Variants in RTP5 observed in about 807,000 individuals in gnomAD.
The protein encoded by RTP5 is receptor transporter protein 5 (putative), also known as receptor-transporting protein 5.
Under a neutral mutation model 23.5 loss-of-function variants are expected in RTP5, and 30 were observed. That is an observed-to-expected ratio of 1.27 (90% CI 0.95 to 1.73). RTP5 has a LOEUF of 1.73. RTP5 is among the 40% of genes most tolerant of loss of function. The pLI is 0.00. For synonymous variants in RTP5, 354 were observed against 342.1 expected, an observed-to-expected ratio of 1.03 and a Z score of -0.38; for missense variants, 807 against 784.2, an observed-to-expected ratio of 1.03 and a Z score of -0.35.
intron 1 of RTP5, among the ~76,000 whole-genome samples, chr2:241,871,443 G>A (rs866475150): frequency 2.6e-5 from 4 of 152,238 alleles, no homozygotes; most frequent in Admixed American, 1.3e-4. Flanking sequence ...AGGGGGCTGC[G>A]GGCTAGTGCG....
Position 241,871,723 on chromosome 2 carries a change from C to A in RTP5, c.168C>A (p.Cys56Ter). ...YLLVGLSRLQ[C>*]GHCPGTWDSA... ...TCTTTCCCCGCCGCAGGCTCCAGTG[C>A]GGTCACTGTCCGGGGACCTGGGACT... Residue 56 changes from cysteine (C) to a stop codon, truncating the protein, a stop_gained, in exon 2 of 2, where the codon TGC becomes TGA. Coordinates refer to ENST00000343216, the MANE Select transcript of RTP5 (RefSeq NM_173821.3). LOFTEE classifies it low-confidence loss of function (END_TRUNC). 6.2e-7 allele frequency: 1 copy of A among 1,604,608 alleles called. No homozygotes were observed. The highest frequency in any genetic ancestry group is 1.3e-5 in the African/African-American group (1 of 74,826).
In RTP5 at chr2:241,872,183, G is replaced by T; in HGVS notation, c.628G>T (p.Gly210Cys). 6.2e-7 allele frequency: 1 copy of T among 1,612,412 alleles called. No individual in the cohort carries two copies. The highest frequency in any genetic ancestry group is 8.5e-7 in the Non-Finnish European group (1 of 1,179,576). The change falls in exon 2 of 2, where the codon GGT becomes TGT. Residue 210 changes from glycine to cysteine, a missense_variant. Gly to Cys is a radical substitution (Grantham distance 159). Coordinates refer to ENST00000343216, the MANE Select transcript of RTP5 (RefSeq NM_173821.3). ...VVIAIPFSLV[G>C]TSNDQVPIAE... ...CATCGCCATCCCCTTCTCCCTTGTG[G>T]GTACCAGCAATGACCAGGTGCCCAT...
At chr2:241,870,770 G>A (rs1289527927) in intron 1 of RTP5, among the ~76,000 whole-genome samples, 1 of 152,244 alleles carries the variant, frequency 6.6e-6, no homozygotes, top group Non-Finnish European at 1.5e-5. Context: ...GGAGAGAACT[G>A]AGGACGGCTG....
Position 241,872,354 on chromosome 2 carries a change from G to T in RTP5, c.799G>T (p.Asp267Tyr), listed in dbSNP as rs568255285. 37 of 1,611,430 alleles carry T rather than the reference G, an allele frequency of 2.3e-5. No individual in the cohort carries two copies. Among genetic ancestry groups the T allele is most frequent in the Non-Finnish European group, 2.9e-5 (34 of 1,179,450 alleles). ...GGKGFPVAIG[D>Y]PLFHGPGLLG... is the part of the protein sequence containing the mutation. Reference sequence around the variant, plus strand: ...CAAAGGCTTCCCGGTGGCCATTGGAGACCCCCTCTTCCACGGCCCCGGCCT... The same window carrying T: ...CAAAGGCTTCCCGGTGGCCATTGGATACCCCCTCTTCCACGGCCCCGGCCT... The change falls in exon 2 of 2, where the codon GAC (aspartate) becomes TAC (tyrosine). Residue 267 changes from aspartate (D) to tyrosine (Y), a missense_variant. By Grantham distance (160) the Asp-to-Tyr change is radical. Transcript: ENST00000343216.
chr2:241,873,076 G>A lies in RTP5; in HGVS notation c.1521G>A (p.Lys507=). 6.2e-7 allele frequency: 1 copy of A among 1,612,916 alleles called. No homozygotes were observed. Among genetic ancestry groups the A allele is most frequent in the Non-Finnish European group, 8.5e-7 (1 of 1,179,926 alleles). Residue 507 remains lysine, a synonymous_variant, in exon 2 of 2, where the codon AAG becomes AAA. Transcript: ENST00000343216. ...GCTTCTCCCAAGGCTATTACCAGAA[G>A]AGGCAGCTGAGGTCCAGGTTCCACA... ...NGCFSQGYYQ[K]RQLRSRFHKA...
At chr2:241,869,966 T>C in intron 1 of RTP5, 52 bp downstream of exon 1, 1 of 1,413,960 alleles carries the variant, frequency 7.1e-7, no homozygotes, top group Non-Finnish European at 9.2e-7. Flanking sequence ...GAAGGTGCTT[T>C]TCCACGGGAC....
chr2:241,872,016 T>G lies in RTP5; in HGVS notation c.461T>G (p.Leu154Arg). Residue 154 changes from leucine to arginine, a missense_variant, in exon 2 of 2, where the codon CTC becomes CGC. Leu to Arg is a moderately radical substitution (Grantham distance 102, BLOSUM62 -2). Coordinates refer to ENST00000343216, the MANE Select transcript of RTP5 (RefSeq NM_173821.3). Reference sequence around the variant, plus strand: ...GCCTGTGAGCTGGGGGTCTGCTTCCTCCAGAAGGCCCCAGACCCCGCCTGG... The same window carrying G: ...GCCTGTGAGCTGGGGGTCTGCTTCCGCCAGAAGGCCCCAGACCCCGCCTGG... ...CEACELGVCF[L>R]QKAPDPAWSA... The G allele has an allele frequency of 6.4e-7, 1 of 1,573,588 alleles. No homozygotes were observed. Among genetic ancestry groups the G allele is most frequent in the South Asian group, 1.1e-5 (1 of 87,554 alleles).
chr2:241,870,225 C>G (rs879302376), intron 1 of RTP5, among the ~76,000 whole-genome samples: 2 of 152,248 alleles, frequency 1.3e-5, no homozygotes, highest in African/African-American at 4.8e-5. Context: ...ATGGCACTGC[C>G]GTGGTCTCGC....
intron 1 of RTP5, among the ~76,000 whole-genome samples, chr2:241,870,297 C>G (rs1287234522): frequency 6.6e-6 from 1 of 152,236 alleles, no homozygotes; most frequent in Admixed American, 6.5e-5. Context: ...CCATCCGGCC[C>G]TGTGTTGCAC....
Position 241,872,512 on chromosome 2 carries a change from G to A in RTP5, c.957G>A (p.Gly319=). 1.9e-6 allele frequency: 3 copies of A among 1,586,934 alleles called. No homozygotes were observed. Among genetic ancestry groups the A allele is most frequent in the Non-Finnish European group, 2.6e-6 (3 of 1,166,028 alleles). ...TCAACAATGGCCTCGTCCCTGTGGG[G>A]AAACACACGCCAACCGTGTTCTACT... ...ISLNNGLVPV[G]KHTPTVFYCV... Residue 319 remains glycine, a synonymous_variant, in exon 2 of 2, where the codon GGG becomes GGA. Coordinates refer to ENST00000343216, the MANE Select transcript of RTP5 (RefSeq NM_173821.3).
chr2:241,871,602 G>C, intron 1 of RTP5, 112 bp from the exon 2 acceptor site: 1 of 1,349,602 alleles, frequency 7.4e-7, no homozygotes, highest in Non-Finnish European at 9.8e-7. Flanking sequence ...GTGAGGCAGG[G>C]GGCAGCGAGG....
In RTP5 at chr2:241,871,925, G is replaced by A; in HGVS notation, c.370G>A (p.Asp124Asn). Reference sequence around the variant, plus strand: ...CAGGCTGGTCTTGCACATCCTGCAGGACTGCTACGGGGATGGCCCCGGCCC... The same window carrying A: ...CAGGCTGGTCTTGCACATCCTGCAGAACTGCTACGGGGATGGCCCCGGCCC... ...LSRLVLHILQ[D>N]CYGDGPGPAR... Residue 124 changes from aspartate to asparagine, a missense_variant, in exon 2 of 2, where the codon GAC becomes AAC. Asp to Asn is a conservative substitution (Grantham distance 23). Coordinates refer to ENST00000343216, the MANE Select transcript of RTP5 (RefSeq NM_173821.3). 1 of 1,585,850 alleles carries A rather than the reference G, an allele frequency of 6.3e-7. No homozygotes were observed. The highest frequency in any genetic ancestry group is 8.6e-7 in the Non-Finnish European group (1 of 1,166,284).
At chr2:241,870,050 T>A in intron 1 of RTP5, 136 bp downstream of exon 1, 5 of 841,764 alleles carry the variant, frequency 5.9e-6, no homozygotes, top group Middle Eastern at 3.7e-4. Context: ...TGGGGCTGGG[T>A]GCTCCTTCTC....
chr2:241,870,524 C>T (rs1701299247), intron 1 of RTP5, among the ~76,000 whole-genome samples: 1 of 152,386 alleles, frequency 6.6e-6, no homozygotes, highest in African/African-American at 2.4e-5. Context: ...GACAGGCCCC[C>T]AGGCTGCTGG....
At position 241,869,875 on chromosome 2, in the gene RTP5, A is replaced by G; in HGVS notation, c.119A>G (p.Asp40Gly). 1.3e-6 allele frequency: 2 copies of G among 1,584,560 alleles called. No homozygotes were observed. Among genetic ancestry groups the G allele is most frequent in the Non-Finnish European group, 8.6e-7 (1 of 1,167,570 alleles). The change falls in exon 1 of 2, where the codon GAC (aspartate) becomes GGC (glycine). Residue 40 changes from aspartate to glycine, a missense_variant. Transcript: ENST00000343216. The part of the protein sequence containing the change: ...PEHSLVPGCL[D>G]GGGVQYLLVG... Reference sequence around the variant, plus strand: ...CACAGCCTGGTCCCGGGATGCCTGGACGGCGGTGGTGTCCAGTACCTGCTG... The same window carrying G: ...CACAGCCTGGTCCCGGGATGCCTGGGCGGCGGTGGTGTCCAGTACCTGCTG...
At position 241,872,435 on chromosome 2, in the gene RTP5, G is replaced by A; in HGVS notation, c.880G>A (p.Gly294Ser). 8 of 1,609,758 alleles carry A rather than the reference G, an allele frequency of 5.0e-6. No homozygotes were observed. The highest frequency in any genetic ancestry group is 6.8e-6 in the Non-Finnish European group (8 of 1,178,964). ...ELKGFLFKGR[G>S]SLCSPVGVAQ... ...CAAGGGCTTCCTCTTCAAAGGCCGG[G>A]GCTCCCTCTGCAGCCCGGTTGGCGT... The change falls in exon 2 of 2, where the codon GGC becomes AGC. Residue 294 changes from glycine to serine, a missense_variant. By Grantham distance (56) the Gly-to-Ser change is moderately conservative. Coordinates refer to ENST00000343216, the MANE Select transcript of RTP5 (RefSeq NM_173821.3).
chr2:241,870,499 G>T (rs909294385), intron 1 of RTP5, among the ~76,000 whole-genome samples: 2 of 152,236 alleles, frequency 1.3e-5, no homozygotes, highest in Non-Finnish European at 1.5e-5. Flanking sequence ...CCACATCCTC[G>T]CAGATGCCCG....
Position 241,872,104 on chromosome 2 carries a change from C to T in RTP5, c.549C>T (p.Ser183=). 1.9e-6 allele frequency: 3 copies of T among 1,597,532 alleles called. No individual in the cohort carries two copies. The highest frequency in any genetic ancestry group is 2.6e-6 in the Non-Finnish European group (3 of 1,169,490). Residue 183 remains serine, a synonymous_variant, in exon 2 of 2, where the codon TCC becomes TCT. Coordinates refer to ENST00000343216, the MANE Select transcript of RTP5 (RefSeq NM_173821.3). ...CCTGGGGTGGCACTGGCACCGTCTC[C>T]AGGGGCAAACCGCTGTCCACCCCTG... ...ATAWGGTGTV[S]RGKPLSTPGD...
At chr2:241,870,881 T>A in intron 1 of RTP5, 1 of 466,572 alleles carries the variant, frequency 2.1e-6, no homozygotes, top group South Asian at 1.6e-5. Flanking sequence ...CCACGGGCTC[T>A]GTGGCCAGTG....
Sources: allele counts gnomAD v4.1 joint callset (sites outside exome capture counted in the v4.1 genomes callset), GRCh38; gene constraint gnomAD v4.1.1; transcripts MANE v1.5; gene names NCBI Gene and HGNC (gene_info 2026-07-23, HGNC 2026-07-21).